The following DLG2 variants were observed in gnomAD, a reference collection of about 807,000 sequenced individuals.
DLG2 encodes disks large homolog 2.
In DLG2, 45 loss-of-function variants were observed where a neutral mutation model predicts 132.5. The observed-to-expected ratio is 0.34, with a 90% confidence interval of 0.27 to 0.44. The LOEUF (loss-of-function observed/expected upper bound fraction) is 0.44. Ranked by LOEUF, DLG2 falls within the 20% of genes least tolerant of loss-of-function variation. DLG2 has a pLI of 1.00. For synonymous variants in DLG2, 424 were observed against 419.6 expected (o/e 1.01, Z -0.13); for missense variants, 1,045 against 1,196.9 (o/e 0.87, Z 1.87).
intron 18 of DLG2, among the ~76,000 whole-genome samples, chr11:83,747,513 G>A (rs1019271514): frequency 6.6e-6 from 1 of 151,926 alleles, no homozygotes; most frequent in Non-Finnish European, 1.5e-5. Flanking sequence ...GACTACAGGT[G>A]GACGCCAACA....
At chr11:84,794,039 C>G (rs1326959459) in intron 6 of DLG2, among the ~76,000 whole-genome samples, 1 of 151,964 alleles carries the variant, frequency 6.6e-6, no homozygotes, top group Non-Finnish European at 1.5e-5. Context: ...GATTTAATTT[C>G]TAATTTGTGT....
intron 6 of DLG2, among the ~76,000 whole-genome samples, chr11:84,782,623 G>A (rs2072033342): frequency 6.6e-6 from 1 of 152,080 alleles, no homozygotes; most frequent in South Asian, 2.1e-4. Context: ...TCAATCATTT[G>A]CCACCTATGA....
chr11:83,707,163 G>A (rs1433954666), intron 18 of DLG2, among the ~76,000 whole-genome samples: 1 of 152,194 alleles, frequency 6.6e-6, no homozygotes, highest in Non-Finnish European at 1.5e-5. Flanking sequence ...AGATGAGGCT[G>A]AAGGACTGGC....
At chr11:84,596,379 C>CTTTTTTT (rs1211350827) in intron 6 of DLG2, among the ~76,000 whole-genome samples, 1 of 121,746 alleles carries the variant, frequency 8.2e-6, no homozygotes, top group Non-Finnish European at 1.8e-5. Flanking sequence ...AGATAATTTT[C>CTTTTTTT]TTTTTTTTTT....
At chr11:85,013,281 A>T (rs1035082228) in intron 6 of DLG2, among the ~76,000 whole-genome samples, 2 of 152,128 alleles carry the variant, frequency 1.3e-5, no homozygotes, top group Non-Finnish European at 2.9e-5. Context: ...ATAGTCTCAA[A>T]AGGAGATGTA....
intron 3 of DLG2, among the ~76,000 whole-genome samples, chr11:85,413,782 A>G (rs888449386): frequency 2.0e-5 from 3 of 152,056 alleles, no homozygotes; most frequent in African/African-American, 4.8e-5. Context: ...TACCAGTGCC[A>G]TGCTGTTTGG....
At chr11:83,581,998 G>T (rs1026806403) in intron 19 of DLG2, among the ~76,000 whole-genome samples, 1 of 111,354 alleles carries the variant, frequency 9.0e-6, no homozygotes, top group Non-Finnish European at 1.7e-5. Context: ...CTCTGGTTGC[G>T]CAGGCTGGAG....
At chr11:83,463,505 T>C (rs930866308) in intron 26 of DLG2, among the ~76,000 whole-genome samples, 1 of 152,194 alleles carries the variant, frequency 6.6e-6, no homozygotes, top group African/African-American at 2.4e-5. Context: ...AGAAATCATG[T>C]GGGCCAGGCA....
chr11:84,452,621 A>G (rs1171887219), intron 7 of DLG2, among the ~76,000 whole-genome samples: 1 of 151,802 alleles, frequency 6.6e-6, no homozygotes, highest in Non-Finnish European at 1.5e-5. Flanking sequence ...AACAGATTGT[A>G]TGCTACACTG....
At chr11:85,263,701 G>T (rs1410685861) in intron 4 of DLG2, among the ~76,000 whole-genome samples, 2 of 152,218 alleles carry the variant, frequency 1.3e-5, no homozygotes, top group African/African-American at 4.8e-5. Context: ...ATCCCCTGGG[G>T]AATAGCCATG....
At chr11:84,517,035 AT>A (rs1476453570) in intron 7 of DLG2, among the ~76,000 whole-genome samples, 13 of 136,182 alleles carry the variant, frequency 9.5e-5, no homozygotes, top group South Asian at 2.5e-4. Flanking sequence ...AAATAAATAA[AT>A]AAATAAATAA....
intron 11 of DLG2, among the ~76,000 whole-genome samples, chr11:84,022,805 A>T (rs953400431): frequency 2.6e-5 from 4 of 152,222 alleles, no homozygotes; most frequent in African/African-American, 9.6e-5. Context: ...CTAGGGGTTA[A>T]AGTATATTAA....
intron 11 of DLG2, among the ~76,000 whole-genome samples, chr11:84,013,364 A>G (rs1467244954): frequency 2.0e-5 from 3 of 152,176 alleles, no homozygotes; most frequent in Non-Finnish European, 4.4e-5. Flanking sequence ...TCACAAAGAG[A>G]ACAAGTATCT....
At chr11:85,290,368 G>A (rs2078818992) in intron 3 of DLG2, among the ~76,000 whole-genome samples, 1 of 152,002 alleles carries the variant, frequency 6.6e-6, no homozygotes, top group African/African-American at 2.4e-5. Flanking sequence ...GGGACATGGG[G>A]CCTGAATTTC....
intron 11 of DLG2, among the ~76,000 whole-genome samples, chr11:84,032,203 G>A (rs1601096): frequency 1.3e-5 from 2 of 152,138 alleles, no homozygotes; most frequent in Admixed American, 6.6e-5. Context: ...ATCTAGAAAT[G>A]ATTATGCTTA....
chr11:83,933,535 A>G (rs1366873087), intron 14 of DLG2, among the ~76,000 whole-genome samples: 1 of 152,180 alleles, frequency 6.6e-6, no homozygotes, highest in Non-Finnish European at 1.5e-5. Context: ...TAATTAGCAC[A>G]CCCTGGCCCT....
intron 7 of DLG2, among the ~76,000 whole-genome samples, chr11:84,404,866 T>A (rs1423739700): frequency 6.6e-6 from 1 of 152,228 alleles, no homozygotes; most frequent in African/African-American, 2.4e-5. Context: ...TTTAGGATAT[T>A]TTAACATTTC....
Position 83,466,786 on chromosome 11 carries a change from T to C in DLG2, c.2651A>G (p.Asn884Ser). The C allele has an allele frequency of 2.5e-6, 4 of 1,613,514 alleles. No homozygotes were observed. The highest frequency in any genetic ancestry group is 3.4e-6 in the Non-Finnish European group (4 of 1,179,482). The change falls in exon 26 of 28, where the codon AAT (asparagine) becomes AGT (serine). Residue 884 changes from asparagine to serine, a missense_variant. Transcript: ENST00000376104. Reference sequence around the variant, plus strand: ...GGCAACTTGTAACCGCTTGATAGCATTTCCTGATACATCAAGTATACAGTG... The same window carrying C: ...GGCAACTTGTAACCGCTTGATAGCACTTCCTGATACATCAAGTATACAGTG... ...GKHCILDVSGNAIKRLQVAQL... is the reference protein window; with the variant it reads ...GKHCILDVSGSAIKRLQVAQL...
At chr11:85,012,859 C>T (rs1213741270) in intron 6 of DLG2, among the ~76,000 whole-genome samples, 1 of 152,096 alleles carries the variant, frequency 6.6e-6, no homozygotes, top group Non-Finnish European at 1.5e-5. Flanking sequence ...AGCACTGACA[C>T]TTAGATGTTA....
Sources: allele counts gnomAD v4.1 joint callset (sites outside exome capture counted in the v4.1 genomes callset), GRCh38; gene constraint gnomAD v4.1.1; transcripts MANE v1.5; gene names NCBI Gene and HGNC (gene_info 2026-07-23, HGNC 2026-07-21).